Variants in BRINP1 observed in about 807,000 individuals in gnomAD.
The protein encoded by BRINP1 is BMP/retinoic acid inducible neural specific 1, also known as BMP/retinoic acid-inducible neural-specific protein 1.
BRINP1 carries 17 observed loss-of-function variants against 72.9 expected under a neutral mutation model. The ratio of observed to expected loss-of-function variants is 0.23; its 90% CI spans 0.16 to 0.35. BRINP1 has a LOEUF of 0.35. Among genes scored for constraint, BRINP1 ranks in the 10% least tolerant of loss-of-function variants. The pLI is 1.00. For synonymous variants in BRINP1, 418 were observed against 378.5 expected (o/e 1.10, Z -1.21); for missense variants, 850 against 1,001.6 (o/e 0.85, Z 2.04).
chr9:119,361,007 C>T (rs1831623270), intron 1 of BRINP1, among the ~76,000 whole-genome samples: 1 of 152,156 alleles, frequency 6.6e-6, no homozygotes. Flanking sequence ...TCCCGGTATA[C>T]AACTCCGCAC....
intron 7 of BRINP1, among the ~76,000 whole-genome samples, chr9:119,193,086 T>C (rs1416174046): frequency 6.6e-6 from 1 of 152,162 alleles, no homozygotes; most frequent in African/African-American, 2.4e-5. Context: ...TATGACATGG[T>C]TATAATGCTA....
At chr9:119,219,348 T>C (rs138666754) in intron 5 of BRINP1, among the ~76,000 whole-genome samples, 80 of 152,292 alleles carry the variant, frequency 5.3e-4, no homozygotes, top group African/African-American at 1.8e-3. Context: ...GTATAAAACA[T>C]GCTAAGAATG....
chr9:119,327,805 T>G (rs893176076), intron 1 of BRINP1, among the ~76,000 whole-genome samples: 3 of 152,030 alleles, frequency 2.0e-5, no homozygotes, highest in Middle Eastern at 3.2e-3. Flanking sequence ...GGAAAAGGAA[T>G]GGGTTTTGAG....
chr9:119,291,716 G>A (rs1830823373), intron 2 of BRINP1, among the ~76,000 whole-genome samples: 1 of 152,186 alleles, frequency 6.6e-6, no homozygotes, highest in African/African-American at 2.4e-5. Context: ...AGATGGATGA[G>A]GAAGCAGATG....
At chr9:119,358,502 T>C (rs2119039877) in intron 1 of BRINP1, among the ~76,000 whole-genome samples, 1 of 152,004 alleles carries the variant, frequency 6.6e-6, no homozygotes, top group Non-Finnish European at 1.5e-5. Flanking sequence ...TAGACCAGCC[T>C]CAGCAACACA....
chr9:119,242,242 G>C, intron 3 of BRINP1, 26 bp from the exon 4 acceptor site: 1 of 1,608,316 alleles, frequency 6.2e-7, no homozygotes, highest in Non-Finnish European at 8.5e-7. Context: ...AAGTAGATAA[G>C]AAGGTTTGTG....
At chr9:119,302,373 T>C (rs1386266362) in intron 2 of BRINP1, among the ~76,000 whole-genome samples, 4 of 152,212 alleles carry the variant, frequency 2.6e-5, no homozygotes, top group African/African-American at 9.7e-5. Context: ...GCCTTTTGTT[T>C]AGATTTTCAT....
chr9:119,287,984 CTTAAAAG>C (rs964388643), intron 2 of BRINP1, among the ~76,000 whole-genome samples: 3 of 151,520 alleles, frequency 2.0e-5, no homozygotes, highest in Non-Finnish European at 2.9e-5. Flanking sequence ...TACCACTGAA[CTTAAAAG>C]TTAAAAAAAA....
rs1273051638 is a variant in BRINP1 at position 119,168,310 on chromosome 9, A to C, written c.1146-86T>G. 3.5e-6 allele frequency: 4 copies of C among 1,128,390 alleles called. No homozygotes were observed. In the East Asian group the frequency reaches 7.9e-5, roughly 22 times the overall value. 69.9% of individuals were successfully genotyped at this position (1,128,390 alleles called of 1,614,324 possible). On this transcript the variant is annotated intron_variant, in intron 7 of 7. Coordinates refer to ENST00000265922, the MANE Select transcript of BRINP1 (RefSeq NM_014618.3). ...TTATCCAACTGATAATGCGAACTGG[A>C]GCTGCCAAAAAGATGAAAGGACTGG...
intron 7 of BRINP1, among the ~76,000 whole-genome samples, chr9:119,179,975 TC>T (rs1829534102): frequency 6.6e-6 from 1 of 152,184 alleles, no homozygotes; most frequent in African/African-American, 2.4e-5. Context: ...ACCCAGGGCT[TC>T]CCATCAGTGC....
intron 2 of BRINP1, among the ~76,000 whole-genome samples, chr9:119,309,808 G>A (rs191155875): frequency 2.2e-4 from 33 of 152,232 alleles, no homozygotes; most frequent in African/African-American, 7.2e-4. Flanking sequence ...AGGAGGGGGC[G>A]TGGGTTATGT....
chr9:119,355,267 T>C (rs1414686478), intron 1 of BRINP1, among the ~76,000 whole-genome samples: 1 of 152,212 alleles, frequency 6.6e-6, no homozygotes, highest in Admixed American at 6.5e-5. Context: ...ACCTTATGCT[T>C]TTTAAAATTG....
At chr9:119,247,718 A>G (rs960744814) in intron 3 of BRINP1, among the ~76,000 whole-genome samples, 4 of 149,538 alleles carry the variant, frequency 2.7e-5, no homozygotes, top group Non-Finnish European at 5.9e-5. Flanking sequence ...AACAGAATGC[A>G]GGCTTTGTGC....
chr9:119,314,357 C>T (rs10760034), intron 1 of BRINP1, among the ~76,000 whole-genome samples: 58,838 of 151,976 alleles, frequency 0.39, 11,910 homozygotes, highest in Non-Finnish European at 0.44. Flanking sequence ...ACACAATTTA[C>T]ACTTTTTGTT....
chr9:119,307,158 C>T (rs1305148888), intron 2 of BRINP1, among the ~76,000 whole-genome samples: 2 of 151,328 alleles, frequency 1.3e-5, no homozygotes, highest in African/African-American at 4.9e-5. Context: ...CCAGAAGCAC[C>T]CCCAACAAAC....
At chr9:119,267,751 G>T (rs1291792603) in intron 2 of BRINP1, among the ~76,000 whole-genome samples, 1 of 152,160 alleles carries the variant, frequency 6.6e-6, no homozygotes, top group Admixed American at 6.5e-5. Flanking sequence ...AATGTGAATT[G>T]TCAGGGTAAA....
intron 5 of BRINP1, among the ~76,000 whole-genome samples, chr9:119,235,409 C>T (rs1388204220): frequency 6.6e-6 from 1 of 152,104 alleles, no homozygotes. Flanking sequence ...CCTCTCTATC[C>T]ATGCCTCTGT....
At chr9:119,240,951 T>C (rs1830241901) in intron 4 of BRINP1, among the ~76,000 whole-genome samples, 1 of 152,170 alleles carries the variant, frequency 6.6e-6, no homozygotes, top group Non-Finnish European at 1.5e-5. Flanking sequence ...TTAAAGAACA[T>C]TTGAGATGGA....
chr9:119,241,441 G>A (rs781159792), intron 4 of BRINP1, among the ~76,000 whole-genome samples: 1 of 152,158 alleles, frequency 6.6e-6, no homozygotes, highest in Non-Finnish European at 1.5e-5. Context: ...TAGCAACACA[G>A]GCCATACAGC....
Sources: gnomAD v4.1 joint callset for allele counts (sites outside exome capture counted in the v4.1 genomes callset) on GRCh38, gnomAD v4.1.1 for gene constraint, MANE v1.5 for transcripts, NCBI Gene and HGNC (gene_info 2026-07-23, HGNC 2026-07-21) for gene names.